The following AGBL4 variants were observed in gnomAD, a reference collection of about 807,000 sequenced individuals.
AGBL4 encodes the protein AGBL carboxypeptidase 4, also known as cytosolic carboxypeptidase 6.
A neutral mutation model predicts 66.4 loss-of-function variants in AGBL4; 58 were observed. The observed-to-expected ratio is 0.87, with a 90% CI of 0.71 to 1.09. The LOEUF is 1.09. AGBL4 is among the 50% of genes least tolerant of loss of function. The pLI is 0.00. For missense variants in AGBL4, 579 were observed against 631.0 expected (o/e 0.92, Z 0.88); for synonymous variants, 234 against 222.9 (o/e 1.05, Z -0.44).
intron 2 of AGBL4, among the ~76,000 whole-genome samples, chr1:49,720,907 T>C (rs1648552620): frequency 2.0e-5 from 3 of 152,050 alleles, no homozygotes; most frequent in African/African-American, 4.8e-5. Flanking sequence ...TTTCCATATG[T>C]CAAACGAAAG....
intron 3 of AGBL4, among the ~76,000 whole-genome samples, chr1:49,506,774 T>C (rs1648726468): frequency 6.6e-6 from 1 of 151,998 alleles, no homozygotes; most frequent in African/African-American, 2.4e-5. Context: ...AATTGGGGAA[T>C]CAAAGTCAAT....
At chr1:48,674,849 C>G (rs141922409) in intron 6 of AGBL4, among the ~76,000 whole-genome samples, 2 of 152,166 alleles carry the variant, frequency 1.3e-5, no homozygotes, top group Non-Finnish European at 2.9e-5. Context: ...CTGCTTCACC[C>G]CCAGGCAGTG....
At chr1:49,537,910 G>A (rs1347779273) in intron 3 of AGBL4, among the ~76,000 whole-genome samples, 1 of 150,814 alleles carries the variant, frequency 6.6e-6, no homozygotes, top group African/African-American at 2.4e-5. Context: ...CTGGGCGAGA[G>A]AGTGAGACTC....
intron 1 of AGBL4, among the ~76,000 whole-genome samples, chr1:49,863,366 G>A (rs1646621880): frequency 6.6e-6 from 1 of 152,144 alleles, no homozygotes. Context: ...CAGGACATTG[G>A]TCTGGCCAAA....
chr1:48,705,251 G>T (rs189694307), intron 6 of AGBL4, among the ~76,000 whole-genome samples: 1 of 151,856 alleles, frequency 6.6e-6, no homozygotes, highest in South Asian at 2.1e-4. Context: ...AAAACATTAA[G>T]AGCAAAAAAT....
chr1:49,484,175 G>A (rs1302535196), intron 3 of AGBL4, among the ~76,000 whole-genome samples: 2 of 151,804 alleles, frequency 1.3e-5, no homozygotes, highest in Non-Finnish European at 2.9e-5. Context: ...CAACCACTGA[G>A]AAAAAACGGT....
rs371693421 is a variant in AGBL4, at chr1:49,460,819, A to G, written c.283-214955T>C. ...GGAGTGGTGAATACTCTCAGCATCT[A>G]TTTATCTGGAAGACTGTATCTTTCC... On this transcript the variant is annotated intron_variant, in intron 3 of 13. Transcript: ENST00000371839. Among the ~76,000 whole-genome samples the G allele has an allele frequency of 9.9e-5, 15 of 151,674 alleles. No individual in the cohort carries two copies. In the East Asian group the frequency reaches 2.1e-3, roughly 22 times the overall value.
the AGBL4 span, among the ~76,000 whole-genome samples, chr1:48,524,692 C>G: frequency 6.6e-6 from 1 of 152,182 alleles, no homozygotes; most frequent in Non-Finnish European, 1.5e-5. Context: ...TAAAAACATT[C>G]ACAACTGAAC....
At chr1:49,348,624 G>C (rs1332702392) in intron 3 of AGBL4, among the ~76,000 whole-genome samples, 1 of 152,216 alleles carries the variant, frequency 6.6e-6, no homozygotes, top group Non-Finnish European at 1.5e-5. Context: ...CCTCCAGAGG[G>C]AGGAGGACCG....
At chr1:49,761,417 A>T (rs1409561061) in intron 2 of AGBL4, among the ~76,000 whole-genome samples, 1 of 152,138 alleles carries the variant, frequency 6.6e-6, no homozygotes, top group Non-Finnish European at 1.5e-5. Context: ...TCGGAAAAGG[A>T]CTCTGTGAAA....
chr1:49,929,025 T>C (rs1653072723), intron 1 of AGBL4, among the ~76,000 whole-genome samples: 1 of 152,180 alleles, frequency 6.6e-6, no homozygotes, highest in Non-Finnish European at 1.5e-5. Flanking sequence ...GCAACATGGA[T>C]GCAGCTGGCA....
At chr1:48,731,611 C>T (rs1413209147) in intron 6 of AGBL4, among the ~76,000 whole-genome samples, 3 of 152,240 alleles carry the variant, frequency 2.0e-5, no homozygotes, top group East Asian at 1.9e-4. Flanking sequence ...GTTAGCCAGG[C>T]AAAGCAGCAC....
chr1:49,273,519 T>C (rs866962434), intron 3 of AGBL4, among the ~76,000 whole-genome samples: 1 of 150,562 alleles, frequency 6.6e-6, no homozygotes, highest in East Asian at 1.9e-4. Context: ...CAAAATCTCT[T>C]GTGTATATTC....
chr1:48,790,242 C>G (rs1645515301), intron 6 of AGBL4, among the ~76,000 whole-genome samples: 1 of 152,134 alleles, frequency 6.6e-6, no homozygotes, highest in African/African-American at 2.4e-5. Flanking sequence ...AAAGCCTTCT[C>G]TTTGGTATCA....
intron 11 of AGBL4, among the ~76,000 whole-genome samples, chr1:48,570,094 A>G (rs952448123): frequency 3.3e-5 from 5 of 152,226 alleles, no homozygotes; most frequent in Admixed American, 3.3e-4. Context: ...AAAGTTTGAC[A>G]TTTTGAAGAT....
intron 3 of AGBL4, among the ~76,000 whole-genome samples, chr1:49,273,924 C>T (rs752485506): frequency 1.5e-4 from 23 of 152,138 alleles, no homozygotes; most frequent in Admixed American, 1.2e-3. Context: ...CCTCATGATC[C>T]GCCTGCCTCG....
At chr1:48,958,109 C>T (rs1391244676) in intron 5 of AGBL4, among the ~76,000 whole-genome samples, 1 of 152,066 alleles carries the variant, frequency 6.6e-6, no homozygotes, top group Admixed American at 6.5e-5. Context: ...CCGCCTGCCT[C>T]GGCCTCCCAA....
chr1:49,365,060 C>T (rs919652594), intron 3 of AGBL4, among the ~76,000 whole-genome samples: 1 of 152,054 alleles, frequency 6.6e-6, no homozygotes, highest in Non-Finnish European at 1.5e-5. Context: ...TGAGAGATAA[C>T]AATTATTGTT....
intron 1 of AGBL4, among the ~76,000 whole-genome samples, chr1:49,857,835 A>G (rs1646471977): frequency 6.6e-6 from 1 of 152,170 alleles, no homozygotes; most frequent in Admixed American, 6.5e-5. Context: ...CATCAAAAGC[A>G]CAGGCAACAG....
Sources: allele counts gnomAD v4.1 joint callset (sites outside exome capture counted in the v4.1 genomes callset), GRCh38; gene constraint gnomAD v4.1.1; transcripts MANE v1.5; gene names NCBI Gene and HGNC (gene_info 2026-07-23, HGNC 2026-07-21).